IFT25: variants seen among roughly 807,000 people sequenced by gnomAD.
IFT25 encodes intraflagellar transport protein 25 homolog.
chr1:53,944,804 T>A, the IFT25 span, among the ~76,000 whole-genome samples: 1 of 152,198 alleles, frequency 6.6e-6, no homozygotes, highest in Non-Finnish European at 1.5e-5. Flanking sequence ...TGATGCCTTA[T>A]CCTGTCTTCT....
the IFT25 span, chr1:53,940,205 C>T: frequency 1.6e-6 from 1 of 613,336 alleles, no homozygotes; most frequent in Non-Finnish European, 2.9e-6. Flanking sequence ...GTTTAACACC[C>T]AAGCTATTCA....
the IFT25 span, among the ~76,000 whole-genome samples, chr1:53,939,195 G>A: frequency 6.6e-6 from 1 of 151,140 alleles, no homozygotes; most frequent in Non-Finnish European, 1.5e-5. Context: ...TTTGAGACCA[G>A]CTTGGCCAAT....
chr1:53,923,583 A>C, the IFT25 span: 3 of 245,264 alleles, frequency 1.2e-5, no homozygotes, highest in Non-Finnish European at 2.3e-5. Context: ...CCCTTTTTTC[A>C]TTCCTATTCT....
At chr1:53,943,726 C>G in the IFT25 span, among the ~76,000 whole-genome samples, 1 of 151,954 alleles carries the variant, frequency 6.6e-6, no homozygotes, top group Non-Finnish European at 1.5e-5. Flanking sequence ...CGGGCTCAAG[C>G]GATCCTCCCA....
the IFT25 span, among the ~76,000 whole-genome samples, chr1:53,918,308 G>C: frequency 1.3e-5 from 2 of 152,288 alleles, no homozygotes; most frequent in East Asian, 3.9e-4. Flanking sequence ...AGAGCATTTT[G>C]TTATAATTAC....
chr1:53,939,856 GA>G, the IFT25 span: 1 of 634,680 alleles, frequency 1.6e-6, no homozygotes, highest in African/African-American at 1.9e-5. Context: ...ACCAAAAGTG[GA>G]TATCAGGTAA....
chr1:53,944,576 C>T, the IFT25 span, among the ~76,000 whole-genome samples: 1 of 152,190 alleles, frequency 6.6e-6, no homozygotes, highest in South Asian at 2.1e-4. Context: ...ACCCAGGAAG[C>T]GGAGGCTCAG....
At chr1:53,936,774 T>A in the IFT25 span, among the ~76,000 whole-genome samples, 1 of 151,404 alleles carries the variant, frequency 6.6e-6, no homozygotes, top group African/African-American at 2.5e-5. Flanking sequence ...CTTTTTTACT[T>A]TGCTTTTTTT....
At chr1:53,926,290 T>C in the IFT25 span, among the ~76,000 whole-genome samples, 1 of 151,486 alleles carries the variant, frequency 6.6e-6, no homozygotes, top group East Asian at 1.9e-4. Context: ...GGACTACAGG[T>C]GCATGCCACC....
chr1:53,931,123 C>A, the IFT25 span, among the ~76,000 whole-genome samples: 1 of 152,156 alleles, frequency 6.6e-6, no homozygotes, highest in African/African-American at 2.4e-5. Context: ...CTTAGGCAAC[C>A]AGTGCTCTGA....
the IFT25 span, chr1:53,916,864 G>A: frequency 5.6e-5 from 22 of 395,030 alleles, no homozygotes; most frequent in East Asian, 3.9e-4. Context: ...TTTCCGGGCC[G>A]GGCGCAGTGG....
the IFT25 span, among the ~76,000 whole-genome samples, chr1:53,940,484 T>C: frequency 6.6e-6 from 1 of 151,918 alleles, no homozygotes; most frequent in African/African-American, 2.4e-5. Flanking sequence ...AGAAAACAAA[T>C]AGCAAGAACA....
chr1:53,934,342 T>C, the IFT25 span, among the ~76,000 whole-genome samples: 1 of 152,246 alleles, frequency 6.6e-6, no homozygotes, highest in African/African-American at 2.4e-5. Flanking sequence ...TCCATTGTTG[T>C]CTGGCTTCCA....
chr1:53,915,106 A>G, the IFT25 span, among the ~76,000 whole-genome samples: 1 of 152,238 alleles, frequency 6.6e-6, no homozygotes, highest in Non-Finnish European at 1.5e-5. Context: ...ATTCTACAGT[A>G]TAAAGAGATA....
At chr1:53,933,406 T>C in the IFT25 span, among the ~76,000 whole-genome samples, 1 of 152,180 alleles carries the variant, frequency 6.6e-6, no homozygotes, top group East Asian at 1.9e-4. Context: ...AGTGCTGGGA[T>C]TGCAGGCGTG....
chr1:53,945,109 C>G, the IFT25 span, among the ~76,000 whole-genome samples: 1 of 152,192 alleles, frequency 6.6e-6, no homozygotes, highest in South Asian at 2.1e-4. Context: ...CTTCTCACCT[C>G]CATCCCAAAC....
the IFT25 span, among the ~76,000 whole-genome samples, chr1:53,939,299 G>A: frequency 1.3e-5 from 2 of 151,338 alleles, no homozygotes; most frequent in South Asian, 4.2e-4. Flanking sequence ...GCTGAGGCAG[G>A]AGAATCACTT....
the IFT25 span, among the ~76,000 whole-genome samples, chr1:53,922,998 T>C: frequency 2.0e-5 from 3 of 152,120 alleles, no homozygotes; most frequent in Admixed American, 2.0e-4. Context: ...CCTGAAACAA[T>C]ATACGAAAGG....
the IFT25 span, among the ~76,000 whole-genome samples, chr1:53,927,971 CA>C: frequency 6.6e-6 from 1 of 152,132 alleles, no homozygotes; most frequent in Non-Finnish European, 1.5e-5. Flanking sequence ...CATATGAAGG[CA>C]AGATGCTGTG....
Sources: allele counts gnomAD v4.1 joint callset (sites outside exome capture counted in the v4.1 genomes callset), GRCh38; gene constraint gnomAD v4.1.1; transcripts MANE v1.5; gene names NCBI Gene and HGNC (gene_info 2026-07-23, HGNC 2026-07-21).